Variants in NT5DC3 observed in about 807,000 individuals in gnomAD.
NT5DC3 encodes the protein 5'-nucleotidase domain containing 3.
NT5DC3 carries 42 observed loss-of-function variants against 67.8 expected under a neutral mutation model. The ratio of observed to expected loss-of-function variants is 0.62; its 90% CI spans 0.48 to 0.80. The LOEUF is 0.80. NT5DC3 is among the 30% of genes least tolerant of loss of function. NT5DC3 has a pLI of 0.00. For missense variants in NT5DC3, 570 were observed against 696.4 expected, an observed-to-expected ratio of 0.82 and a Z score of 2.04; for synonymous variants, 237 against 255.6, an observed-to-expected ratio of 0.93 and a Z score of 0.69.
intron 1 of NT5DC3, among the ~76,000 whole-genome samples, chr12:103,832,255 G>A (rs1377650329): frequency 5.3e-5 from 8 of 151,934 alleles, no homozygotes; most frequent in Admixed American, 1.3e-4. Flanking sequence ...AACTCTTGAC[G>A]GTTAGAGGAC....
the NT5DC3 span, chr12:103,748,996 G>A: frequency 1.9e-6 from 3 of 1,613,990 alleles, no homozygotes; most frequent in Non-Finnish European, 2.5e-6. Flanking sequence ...AACGGGGGCT[G>A]TGCAAAGGTG....
intron 1 of NT5DC3, among the ~76,000 whole-genome samples, chr12:103,837,910 A>C (rs934360010): frequency 2.6e-5 from 4 of 152,210 alleles, no homozygotes; most frequent in Non-Finnish European, 5.9e-5. Flanking sequence ...TCTTTTCAGC[A>C]ACACCCCACT....
chr12:103,798,088 T>C (rs1439201702), intron 5 of NT5DC3, among the ~76,000 whole-genome samples: 1 of 152,220 alleles, frequency 6.6e-6, no homozygotes, highest in East Asian at 1.9e-4. Flanking sequence ...GTTTACTAGC[T>C]GACCGAGCAT....
Position 103,778,518 on chromosome 12 carries a change from G to A in NT5DC3, c.1395-437C>T, listed in dbSNP as rs541259708. Among the ~76,000 whole-genome samples the A allele has an allele frequency of 6.6e-5, 10 of 152,194 alleles. No individual in the cohort carries two copies. The East Asian group carries it at 1.5e-3, about 24-fold the overall frequency. On this transcript the variant is annotated intron_variant, in intron 13 of 13. Transcript: ENST00000392876. ...TGCACTCCAGCCTGGGCAACAGAGCGAAACTCCGTCTCACAAAAACAAAAA... is the reference window on the plus strand; with the variant it reads ...TGCACTCCAGCCTGGGCAACAGAGCAAAACTCCGTCTCACAAAAACAAAAA...
chr12:103,789,276 T>G (rs951304375), intron 9 of NT5DC3, among the ~76,000 whole-genome samples: 6 of 152,146 alleles, frequency 3.9e-5, no homozygotes, highest in African/African-American at 1.2e-4. Flanking sequence ...ATACAAAAAT[T>G]AGCTGAGCAT....
At chr12:103,806,287 T>G (rs1398967124) in intron 4 of NT5DC3, 35 bp downstream of exon 4, 1 of 1,407,294 alleles carries the variant, frequency 7.1e-7, no homozygotes, top group African/African-American at 1.4e-5. Context: ...CCTGGTTACT[T>G]CACGTAAATT....
chr12:103,782,091 T>C (rs1885577898), intron 12 of NT5DC3, among the ~76,000 whole-genome samples: 1 of 152,218 alleles, frequency 6.6e-6, no homozygotes, highest in African/African-American at 2.4e-5. Context: ...CATGACAGGC[T>C]GGGCGTGGTA....
At chr12:103,746,875 G>A in the NT5DC3 span, among the ~76,000 whole-genome samples, 2 of 151,830 alleles carry the variant, frequency 1.3e-5, no homozygotes, top group South Asian at 2.1e-4. Context: ...TGCTTGATCT[G>A]CTCACCCTCT....
chr12:103,795,275 CTTATA>C (rs1429979859), intron 6 of NT5DC3, among the ~76,000 whole-genome samples: 1 of 152,098 alleles, frequency 6.6e-6, no homozygotes, highest in African/African-American at 2.4e-5. Context: ...TAGTGCCTAC[CTTATA>C]TTATTATGAA....
chr12:103,800,060 A>G (rs1886500331), intron 4 of NT5DC3, among the ~76,000 whole-genome samples: 1 of 152,246 alleles, frequency 6.6e-6, no homozygotes, highest in Non-Finnish European at 1.5e-5. Flanking sequence ...AAATAATTCA[A>G]GAAGAATTTC....
At chr12:103,793,119 C>T in intron 9 of NT5DC3, 45 bp downstream of exon 9, 1 of 1,289,682 alleles carries the variant, frequency 7.8e-7, no homozygotes, top group South Asian at 1.3e-5. Context: ...ATATTCACAG[C>T]AGCAAAGGAA....
intron 9 of NT5DC3, 63 bp from the exon 10 acceptor site, chr12:103,788,982 AC>A: frequency 1.8e-6 from 2 of 1,104,132 alleles, no homozygotes. Context: ...TCTATGAAAT[AC>A]CAGTTATTCA....
intron 4 of NT5DC3, chr12:103,802,035 CGTG>C (rs1886608774): frequency 6.6e-6 from 1 of 152,232 alleles, no homozygotes; most frequent in Non-Finnish European, 1.5e-5. Context: ...ACCCAGGAAG[CGTG>C]AGTGACTCGA....
At chr12:103,753,669 C>T in the NT5DC3 span, among the ~76,000 whole-genome samples, 3 of 152,184 alleles carry the variant, frequency 2.0e-5, no homozygotes, top group Non-Finnish European at 4.4e-5. Context: ...CTGATGTCAC[C>T]CAGCCAAGAG....
chr12:103,760,956 G>A, the NT5DC3 span, among the ~76,000 whole-genome samples: 2,015 of 152,096 alleles, frequency 0.013, 47 homozygotes, highest in African/African-American at 0.045. Context: ...TAACAGTGTG[G>A]TGCGATGTTC....
intron 6 of NT5DC3, among the ~76,000 whole-genome samples, chr12:103,795,738 T>C (rs1404817935): frequency 6.6e-6 from 1 of 152,026 alleles, no homozygotes; most frequent in Non-Finnish European, 1.5e-5. Flanking sequence ...ATATAAACTT[T>C]TTTAGTACTA....
chr12:103,765,805 G>A (rs1194860750), downstream of NT5DC3, among the ~76,000 whole-genome samples: 1 of 152,074 alleles, frequency 6.6e-6, no homozygotes, highest in East Asian at 1.9e-4. Context: ...GCCTCCCGAA[G>A]TGCTGGGATT....
intron 1 of NT5DC3, among the ~76,000 whole-genome samples, chr12:103,818,359 T>C (rs1433224377): frequency 6.6e-6 from 1 of 151,388 alleles, no homozygotes; most frequent in Non-Finnish European, 1.5e-5. Flanking sequence ...TTCATCAAAA[T>C]CAATGAGATA....
chr12:103,832,158 T>C (rs536217694), intron 1 of NT5DC3, among the ~76,000 whole-genome samples: 1 of 152,142 alleles, frequency 6.6e-6, no homozygotes, highest in African/African-American at 2.4e-5. Flanking sequence ...AAGTCCTCTA[T>C]ATTTTTTTTC....
Sources: gnomAD v4.1 joint callset for allele counts (sites outside exome capture counted in the v4.1 genomes callset) on GRCh38, gnomAD v4.1.1 for gene constraint, MANE v1.5 for transcripts, NCBI Gene and HGNC (gene_info 2026-07-23, HGNC 2026-07-21) for gene names.